The following NALF1 variants were observed in gnomAD, a reference collection of about 807,000 sequenced individuals.
NALF1 encodes NALCN channel auxiliary factor 1, also known as family with sequence similarity 155 member A.
Under a neutral mutation model 48.4 loss-of-function variants are expected in NALF1, and 3 were observed. The observed-to-expected ratio is 0.06, with a 90% CI of 0.03 to 0.16. The LOEUF (loss-of-function observed/expected upper bound fraction) is 0.16, where lower values mean the gene tolerates loss of function less well. Among genes scored for constraint, NALF1 ranks in the 10% least tolerant of loss-of-function variants. NALF1 has a pLI of 1.00. For missense variants in NALF1, 526 were observed against 571.5 expected, an observed-to-expected ratio of 0.92 and a Z score of 0.81; for synonymous variants, 262 against 245.7, an observed-to-expected ratio of 1.07 and a Z score of -0.62.
chr13:107,617,291 G>C (rs1188035954), intron 1 of NALF1, among the ~76,000 whole-genome samples: 1 of 152,114 alleles, frequency 6.6e-6, no homozygotes, highest in African/African-American at 2.4e-5. Context: ...GGGAGAGGGA[G>C]AGGTCTGATT....
At chr13:107,535,544 G>A (rs532179622) in intron 1 of NALF1, among the ~76,000 whole-genome samples, 1 of 152,124 alleles carries the variant, frequency 6.6e-6, no homozygotes, top group South Asian at 2.1e-4. Context: ...TCTTCAAGAA[G>A]AACTACAAAT....
At chr13:107,216,079 T>C (rs1349474364) in intron 1 of NALF1, among the ~76,000 whole-genome samples, 1 of 152,224 alleles carries the variant, frequency 6.6e-6, no homozygotes, top group Non-Finnish European at 1.5e-5. Flanking sequence ...TTCCCCCACT[T>C]ATTAGTAAGG....
chr13:107,670,161 A>G (rs1880956341), intron 1 of NALF1, among the ~76,000 whole-genome samples: 1 of 152,094 alleles, frequency 6.6e-6, no homozygotes. Flanking sequence ...TGGTGTGCGT[A>G]AAGGTGAATT....
intron 1 of NALF1, among the ~76,000 whole-genome samples, chr13:107,439,620 A>G (rs1268603187): frequency 6.6e-6 from 1 of 152,192 alleles, no homozygotes; most frequent in African/African-American, 2.4e-5. Context: ...TCTTTCTCTC[A>G]TGAATTATCT....
At chr13:107,363,589 G>A (rs1883102476) in intron 1 of NALF1, among the ~76,000 whole-genome samples, 1 of 152,144 alleles carries the variant, frequency 6.6e-6, no homozygotes. Context: ...ATGAAACAGT[G>A]AATGGACTGT....
chr13:107,620,211 C>T (rs1181988927), intron 1 of NALF1, among the ~76,000 whole-genome samples: 1 of 152,104 alleles, frequency 6.6e-6, no homozygotes, highest in Non-Finnish European at 1.5e-5. Flanking sequence ...ATCAGAACCA[C>T]AATTTGATGG....
intron 1 of NALF1, among the ~76,000 whole-genome samples, chr13:107,335,373 C>T (rs565067219): frequency 2.0e-5 from 3 of 152,166 alleles, no homozygotes; most frequent in African/African-American, 7.2e-5. Flanking sequence ...ATTATCTGTA[C>T]TGCAAATAAA....
In NALF1 at chr13:107,469,944, C is replaced by T. The variant is rs528305017; in HGVS notation, c.916-259189G>A. 4.0e-5 allele frequency among the ~76,000 whole-genome samples: 6 copies of T among 151,744 alleles called. No homozygotes were observed. The South Asian group carries it at 1.3e-3, about 32-fold the overall frequency. On this transcript the variant is annotated intron_variant, in intron 1 of 2. Coordinates refer to ENST00000375915, the MANE Select transcript of NALF1 (RefSeq NM_001080396.3). ...ATTTTTAGTAGAGACGGGGTTTCACCGTGTTAGCCAGGATGGTCTCGATCT... is the reference window on the plus strand; with the variant it reads ...ATTTTTAGTAGAGACGGGGTTTCACTGTGTTAGCCAGGATGGTCTCGATCT...
At chr13:107,624,321 G>A (rs1173175849) in intron 1 of NALF1, among the ~76,000 whole-genome samples, 1 of 152,034 alleles carries the variant, frequency 6.6e-6, no homozygotes, top group South Asian at 2.1e-4. Flanking sequence ...AGCAAGGATG[G>A]GAAAAACATA....
intron 1 of NALF1, among the ~76,000 whole-genome samples, chr13:107,728,622 C>G (rs1876225066): frequency 6.6e-6 from 1 of 151,970 alleles, no homozygotes; most frequent in Admixed American, 6.6e-5. Context: ...GTGGGTGCAG[C>G]AAACCACCAT....
chr13:107,844,686 T>C (rs1484988020), intron 1 of NALF1, among the ~76,000 whole-genome samples: 5 of 152,316 alleles, frequency 3.3e-5, no homozygotes, highest in African/African-American at 1.2e-4. Context: ...ATGGAATGAA[T>C]ACATTTTCAA....
chr13:107,714,545 T>C (rs971630324), intron 1 of NALF1, among the ~76,000 whole-genome samples: 1 of 148,774 alleles, frequency 6.7e-6, no homozygotes, highest in African/African-American at 2.5e-5. Flanking sequence ...TGCATGCCTG[T>C]AGTCCCAGCT....
chr13:107,808,666 A>AT lies in NALF1; in HGVS notation c.915+57015dup, dbSNP rs200126552. Among the ~76,000 whole-genome samples the AT allele has an allele frequency of 9.4e-5, 9 of 96,208 alleles. No homozygotes were observed. The South Asian group carries it at 1.4e-3, about 15-fold the overall frequency. 63.1% of individuals were successfully genotyped at this position (96,208 alleles called of 152,430 possible). ...CTGTGATCAAATTTCCACTATACAGATTTAAAAAAAAAAAAAAAATGACTG... is the reference window on the plus strand; with the variant it reads ...CTGTGATCAAATTTCCACTATACAGATTTTAAAAAAAAAAAAAAAATGACTG... On this transcript the variant is annotated intron_variant, in intron 1 of 2. Coordinates refer to ENST00000375915, the MANE Select transcript of NALF1 (RefSeq NM_001080396.3).
At chr13:107,252,122 C>G (rs77696394) in intron 1 of NALF1, among the ~76,000 whole-genome samples, 1 of 152,050 alleles carries the variant, frequency 6.6e-6, no homozygotes, top group Non-Finnish European at 1.5e-5. Flanking sequence ...GGAGGCCTGG[C>G]GAGGTAGTGG....
At chr13:107,330,095 C>G (rs760988096) in intron 1 of NALF1, among the ~76,000 whole-genome samples, 1 of 152,130 alleles carries the variant, frequency 6.6e-6, no homozygotes, top group Non-Finnish European at 1.5e-5. Context: ...GGACCCTAGG[C>G]TCAGGCCTCC....
intron 1 of NALF1, among the ~76,000 whole-genome samples, chr13:107,265,053 C>T (rs1365939365): frequency 6.6e-6 from 1 of 152,192 alleles, no homozygotes; most frequent in East Asian, 1.9e-4. Context: ...TCAAACACAC[C>T]TTTATGAAAG....
intron 1 of NALF1, among the ~76,000 whole-genome samples, chr13:107,467,023 T>C (rs929424498): frequency 9.9e-5 from 15 of 152,226 alleles, no homozygotes; most frequent in African/African-American, 2.9e-4. Flanking sequence ...TAACTGACAA[T>C]GATGCATAGT....
intron 1 of NALF1, among the ~76,000 whole-genome samples, chr13:107,278,476 C>G (rs1881324817): frequency 6.6e-6 from 1 of 152,136 alleles, no homozygotes; most frequent in African/African-American, 2.4e-5. Flanking sequence ...TGTTCTCTGA[C>G]TGTATTATAG....
At chr13:107,371,898 A>T (rs1293047310) in intron 1 of NALF1, among the ~76,000 whole-genome samples, 1 of 152,218 alleles carries the variant, frequency 6.6e-6, no homozygotes, top group East Asian at 1.9e-4. Flanking sequence ...TTTTGAAATA[A>T]AAATTTAATC....
Sources: gnomAD v4.1 joint callset for allele counts (sites outside exome capture counted in the v4.1 genomes callset) on GRCh38, gnomAD v4.1.1 for gene constraint, MANE v1.5 for transcripts, NCBI Gene and HGNC (gene_info 2026-07-23, HGNC 2026-07-21) for gene names.